PUDP: variants seen among roughly 807,000 people sequenced by gnomAD.
The protein encoded by PUDP is pseudouridine-5'-phosphatase.
In PUDP, 8 loss-of-function variants were observed where a neutral mutation model predicts 9.4. That is an observed-to-expected ratio of 0.85 (90% confidence interval 0.50 to 1.53). The LOEUF is 1.53. Ranked by LOEUF, PUDP falls within the 40% of genes most tolerant of loss-of-function variation. The pLI is 0.00. For missense variants in PUDP, 188 were observed against 189.7 expected (o/e 0.99, Z 0.05); for synonymous variants, 99 against 80.7 (o/e 1.23, Z -1.22).
At chrX:7,114,842 A>G (rs1023052434) in intron 1 of PUDP, among the ~76,000 whole-genome samples, 15 of 112,584 alleles carry the variant, frequency 1.3e-4, no homozygotes, top group African/African-American at 4.5e-4. Context: ...AGAATAAACA[A>G]TCTATGATGA....
At chrX:6,789,701 G>C (rs919386647) in intron 3 of PUDP, among the ~76,000 whole-genome samples, 2 of 109,318 alleles carry the variant, frequency 1.8e-5, no homozygotes, top group African/African-American at 6.6e-5. Context: ...AGGAAAGAAG[G>C]AGGAAAAATC....
intron 3 of PUDP, among the ~76,000 whole-genome samples, chrX:6,831,907 C>G (rs1011784840): frequency 3.0e-4 from 33 of 111,825 alleles, no homozygotes; most frequent in African/African-American, 1.0e-3. Flanking sequence ...AGCAAGGCAG[C>G]TTTAAAATCA....
chrX:6,725,647 C>A (rs1348555102), upstream of PUDP, among the ~76,000 whole-genome samples: 1 of 111,900 alleles, frequency 8.9e-6, no homozygotes, highest in Non-Finnish European at 1.9e-5. Flanking sequence ...AATGGCCAAA[C>A]AAGCACATGA....
chrX:6,813,663 G>A (rs1029526497), intron 3 of PUDP, among the ~76,000 whole-genome samples: 3 of 111,540 alleles, frequency 2.7e-5, no homozygotes, highest in Admixed American at 1.9e-4. Context: ...CAGCCAGTCC[G>A]CATCCTCTCA....
intron 1 of PUDP, among the ~76,000 whole-genome samples, chrX:7,133,853 G>A (rs779594870): frequency 8.9e-5 from 10 of 111,911 alleles, no homozygotes; most frequent in Non-Finnish European, 1.7e-4. Flanking sequence ...CAGAAGTCCC[G>A]TCCCCTCCCT....
intron 3 of PUDP, among the ~76,000 whole-genome samples, chrX:6,742,774 C>G (rs1291044105): frequency 9.0e-6 from 1 of 111,105 alleles, no homozygotes; most frequent in Non-Finnish European, 1.9e-5. Context: ...GACCCTGCCT[C>G]AAAACAAACA....
At chrX:6,790,958 T>C (rs1925736468) in intron 3 of PUDP, among the ~76,000 whole-genome samples, 1 of 112,238 alleles carries the variant, frequency 8.9e-6, no homozygotes, top group South Asian at 3.7e-4. Context: ...TAGTTAAATA[T>C]AAGCTTGGTG....
intron 3 of PUDP, among the ~76,000 whole-genome samples, chrX:6,871,527 T>C (rs955857200): frequency 7.1e-5 from 8 of 111,979 alleles, no homozygotes; most frequent in African/African-American, 2.3e-4. Flanking sequence ...CTTAACCATA[T>C]TTCCTTCAAA....
chrX:7,039,340 A>G (rs1457088861), intron 1 of PUDP, among the ~76,000 whole-genome samples: 1 of 112,452 alleles, frequency 8.9e-6, no homozygotes, highest in African/African-American at 3.2e-5. Flanking sequence ...TTACAAGTGC[A>G]TTATATAACA....
chrX:7,115,299 A>G (rs1178645856), intron 1 of PUDP, among the ~76,000 whole-genome samples: 1 of 112,191 alleles, frequency 8.9e-6, no homozygotes, highest in Non-Finnish European at 1.9e-5. Flanking sequence ...AGAAAAAAAC[A>G]TTTTCTAGGC....
chrX:7,116,879 G>C (rs1932209089), intron 1 of PUDP: 2 of 1,133,327 alleles, frequency 1.8e-6, no homozygotes, highest in Non-Finnish European at 1.2e-6. Flanking sequence ...TCACATGAGA[G>C]CTGGTGGTTT....
At chrX:6,860,437 CA>C (rs376780094) in intron 3 of PUDP, among the ~76,000 whole-genome samples, 2 of 108,620 alleles carry the variant, frequency 1.8e-5, no homozygotes, top group South Asian at 8.3e-4. Flanking sequence ...ACTGTGCCTC[CA>C]AGCCCATGTT....
At chrX:6,761,020 GTGTTTGTT>G (rs66861541) in intron 3 of PUDP, among the ~76,000 whole-genome samples, 16 of 107,115 alleles carry the variant, frequency 1.5e-4, no homozygotes, top group Middle Eastern at 4.7e-3. Context: ...AAGAAAGTTA[GTGTTTGTT>G]TGTTTGTTTG....
chrX:7,062,375 T>C (rs1930428285), intron 3 of PUDP, among the ~76,000 whole-genome samples: 1 of 109,982 alleles, frequency 9.1e-6, no homozygotes, highest in Admixed American at 9.7e-5. Context: ...TTTGAAGGAG[T>C]GGGTTTAGGG....
Position 7,050,443 on chromosome X carries a change from C to A in PUDP, c.540G>T (p.Gly180=). 2 of 1,211,116 alleles carry A rather than the reference C, an allele frequency of 1.7e-6. No homozygotes were observed. The highest frequency in any genetic ancestry group is 2.2e-6 in the Non-Finnish European group (2 of 894,997). Residue 180 remains glycine, a synonymous_variant, in exon 4 of 4, where the codon GGG becomes GGT. Coordinates refer to ENST00000381077, the MANE Select transcript of PUDP (RefSeq NM_012080.5). The part of the protein sequence containing the change: ...KCLVFEDAPN[G]VEAALAAGMQ... ...TCCCAGCTGCCAGGGCCGCCTCCACCCCATTGGGAGCATCTTCAAAGACAA... is the reference window on the plus strand; with the variant it reads ...TCCCAGCTGCCAGGGCCGCCTCCACACCATTGGGAGCATCTTCAAAGACAA...
downstream of PUDP, among the ~76,000 whole-genome samples, chrX:7,044,784 A>T (rs1929963614): frequency 8.9e-6 from 1 of 112,877 alleles, no homozygotes; most frequent in Non-Finnish European, 1.9e-5. Context: ...TCAAATGATC[A>T]TCAGCATATG....
intron 3 of PUDP, among the ~76,000 whole-genome samples, chrX:6,782,989 G>A (rs1266108055): frequency 6.3e-5 from 7 of 111,375 alleles, no homozygotes; most frequent in Non-Finnish European, 9.4e-5. Flanking sequence ...GCAGCAAACC[G>A]GAGCGGCTCC....
intron 1 of PUDP, among the ~76,000 whole-genome samples, chrX:6,992,575 G>C (rs954031612): frequency 9.1e-5 from 10 of 110,125 alleles, no homozygotes; most frequent in Admixed American, 5.8e-4. Context: ...CCCGGCCCAG[G>C]GTGTCTTAAT....
rs61299123 is a variant in PUDP, at chrX:6,926,922, C to CTTT, written c.*247+50208_*247+50210dup. On this transcript the variant is annotated intron_variant and NMD_transcript_variant, in intron 3 of 3. Coordinates refer to the PUDP transcript ENST00000655425. The stretch of plus-strand genomic sequence containing the variant: ...TCTAATGGACACAAGGAGACAATTC[C>CTTT]TTTTTTTTTTTTTTTTTTTTTTTGA... Among the ~76,000 whole-genome samples, 289 of 66,826 alleles carry CTTT rather than the reference C, an allele frequency of 4.3e-3. 2 individuals are homozygous for CTTT. The highest frequency in any genetic ancestry group is 5.4e-3 in the East Asian group (11 of 2,032). 58.0% of individuals were successfully genotyped at this position (66,826 alleles called of 115,157 possible).
Sources: allele counts gnomAD v4.1 joint callset (sites outside exome capture counted in the v4.1 genomes callset), GRCh38; gene constraint gnomAD v4.1.1; transcripts MANE v1.5; gene names NCBI Gene and HGNC (gene_info 2026-07-23, HGNC 2026-07-21).